Variants in PDE6A observed in about 807,000 individuals in gnomAD.
The protein encoded by PDE6A is rod cGMP-specific 3',5'-cyclic phosphodiesterase subunit alpha.
In PDE6A, 84 loss-of-function variants were observed where a neutral mutation model predicts 106.3. The ratio of observed to expected loss-of-function variants is 0.79; its 90% CI spans 0.66 to 0.95. PDE6A has a LOEUF of 0.95. PDE6A is among the 40% of genes least tolerant of loss of function. PDE6A has a pLI of 0.00. For missense variants in PDE6A, 1,052 were observed against 1,084.9 expected, an observed-to-expected ratio of 0.97 and a Z score of 0.43; for synonymous variants, 394 against 386.6, an observed-to-expected ratio of 1.02 and a Z score of -0.23.
chr5:149,899,406 G>C lies in PDE6A; in HGVS notation c.1232C>G (p.Pro411Arg). The C allele has an allele frequency of 1.2e-6, 2 of 1,614,038 alleles. No individual in the cohort carries two copies. The highest frequency in any genetic ancestry group is 1.1e-5 in the South Asian group (1 of 91,074). ...GAGCGTCTCATCCATTTCATCAAAGGGCTTCCCATCTTTACGATTGTAAAA... is the reference window on the plus strand; with the variant it reads ...GAGCGTCTCATCCATTTCATCAAAGCGCTTCCCATCTTTACGATTGTAAAA... ...ATFYNRKDGK[P>R]FDEMDETLME... The change falls in exon 9 of 22, where the codon CCC becomes CGC. Residue 411 changes from proline (P) to arginine (R), a missense_variant. Physicochemically the swap from Pro to Arg is moderately radical, Grantham distance 103 (BLOSUM62 -2). Coordinates refer to ENST00000255266, the MANE Select transcript of PDE6A (RefSeq NM_000440.3).
chr5:149,879,404 T>C (rs1025806532), intron 17 of PDE6A, among the ~76,000 whole-genome samples: 2 of 144,224 alleles, frequency 1.4e-5, no homozygotes, highest in Non-Finnish European at 3.0e-5. Context: ...CGCTCTGAAA[T>C]TTTTTTTTTT....
chr5:149,907,056 G>A lies in PDE6A; in HGVS notation c.1065+256C>T, dbSNP rs185900812. Among the ~76,000 whole-genome samples the A allele has an allele frequency of 2.6e-5, 4 of 152,338 alleles. No individual in the cohort carries two copies. In the East Asian group the frequency reaches 7.7e-4, roughly 29 times the overall value. On this transcript the variant is annotated intron_variant, in intron 7 of 21. Transcript: ENST00000255266. The stretch of plus-strand genomic sequence containing the variant: ...CAAAGTTCTGGGATTATAGGCGTGA[G>A]CCACTGTACCCGGCCAAGACTATGC...
Position 149,915,024 on chromosome 5 carries a change from A to C in PDE6A, c.934-17T>G. ...GTTAATTTCCTGGCAAAAGAGAGAA[A>C]AATTATACTTTTTTTTTTTTTTTTT... is the stretch of plus-strand genomic sequence containing the variant. On this transcript the variant is annotated splice_polypyrimidine_tract_variant and intron_variant, in intron 5 of 21. Transcript: ENST00000255266. 1 of 1,529,624 alleles carries C rather than the reference A, an allele frequency of 6.5e-7. No individual in the cohort carries two copies. Among genetic ancestry groups the C allele is most frequent in the South Asian group, 1.2e-5 (1 of 86,720 alleles). The allele number at this position is 1,529,624 out of a possible 1,614,324, so 94.8% of individuals were successfully genotyped here.
rs1760009416 is a variant in PDE6A, at chr5:149,858,400, T to C, written c.*2495A>G. 1 of 152,244 alleles carries C rather than the reference T, an allele frequency of 6.6e-6. No homozygotes were observed. The highest frequency in any genetic ancestry group is 6.5e-5 in the Admixed American group (1 of 15,288). The allele number at this position is 152,244 out of a possible 1,614,324, so 9.4% of individuals were successfully genotyped here. A position where few individuals can be genotyped will look rare whatever the true frequency, so the allele number is the denominator to read the frequency against. ...TTGTGCTGTTTTCAACATCAGTTAC[T>C]ATGGTATGAATGCTGATCAGGCCAG... On this transcript the variant is annotated 3_prime_UTR_variant, in exon 22 of 22. Coordinates refer to ENST00000255266, the MANE Select transcript of PDE6A (RefSeq NM_000440.3).
intron 7 of PDE6A, among the ~76,000 whole-genome samples, chr5:149,906,187 T>C (rs1001213238): frequency 6.6e-6 from 1 of 151,952 alleles, no homozygotes; most frequent in Non-Finnish European, 1.5e-5. Flanking sequence ...GAAAATTGAC[T>C]ATGTGAATCT....
chr5:149,888,060 C>T (rs1045903801), intron 13 of PDE6A, among the ~76,000 whole-genome samples: 44 of 152,034 alleles, frequency 2.9e-4, no homozygotes, highest in African/African-American at 1.1e-3. Flanking sequence ...TCGCTTGAGC[C>T]CAGGAGGTCA....
chr5:149,895,325 A>G (rs375873472), intron 12 of PDE6A, 35 bp from the exon 13 acceptor site: 6 of 1,387,658 alleles, frequency 4.3e-6, no homozygotes, highest in Admixed American at 1.7e-5. Flanking sequence ...GGCAGGACAC[A>G]CCTGAAATGG....
rs1489157348 is a variant in PDE6A, at chr5:149,860,635, A to G, written c.*260T>C. On this transcript the variant is annotated 3_prime_UTR_variant, in exon 22 of 22. Transcript: ENST00000255266. ...TCATAAACTTTCTTAAAACATTATG[A>G]AATTTTTTTTTTTGGCGATTTTTTT... The G allele has an allele frequency of 2.4e-6, 1 of 416,934 alleles. No homozygotes were observed. The highest frequency in any genetic ancestry group is 4.3e-6 in the Non-Finnish European group (1 of 234,882). 25.8% of individuals were successfully genotyped at this position (416,934 alleles called of 1,614,324 possible).
chr5:149,871,976 C>T (rs6886532), intron 17 of PDE6A, among the ~76,000 whole-genome samples: 8,666 of 152,224 alleles, frequency 0.057, 286 homozygotes, highest in East Asian at 0.094. Context: ...CAGGATGGAA[C>T]AGAGTAAAGG....
chr5:149,885,480 T>C (rs1210812523), intron 14 of PDE6A, among the ~76,000 whole-genome samples: 1 of 152,262 alleles, frequency 6.6e-6, no homozygotes, highest in Non-Finnish European at 1.5e-5. Flanking sequence ...CTTTATGGGC[T>C]GTCTGAAATA....
Position 149,898,625 on chromosome 5 carries a change from G to C in PDE6A, c.1264-119C>G, listed in dbSNP as rs982683096. 1.1e-5 allele frequency: 11 copies of C among 961,924 alleles called. No individual in the cohort carries two copies. The East Asian group carries it at 2.3e-4, about 20-fold the overall frequency. 59.6% of individuals were successfully genotyped at this position (961,924 alleles called of 1,614,324 possible). A position where few individuals can be genotyped will look rare whatever the true frequency, so the allele number is the denominator to read the frequency against. On this transcript the variant is annotated intron_variant, in intron 9 of 21. Transcript: ENST00000255266. ...CTCAGCTATAAAATGGGTTTGATAA[G>C]CTGTGTGCTGCCCACCTTGCGGAGT...
intron 4 of PDE6A, among the ~76,000 whole-genome samples, chr5:149,928,430 G>T (rs1298607117): frequency 1.3e-5 from 2 of 150,818 alleles, no homozygotes; most frequent in African/African-American, 4.9e-5. Context: ...TAGAGACGGG[G>T]TTTCACCATG....
At chr5:149,930,982 C>T in intron 4 of PDE6A, 46 bp downstream of exon 4, 1 of 1,598,720 alleles carries the variant, frequency 6.3e-7, no homozygotes, top group Non-Finnish European at 8.6e-7. Context: ...CAGTCAGTGT[C>T]TGTTTAATCT....
chr5:149,876,606 G>A (rs1273627528), intron 17 of PDE6A, among the ~76,000 whole-genome samples: 2 of 151,932 alleles, frequency 1.3e-5, no homozygotes, highest in South Asian at 2.1e-4. Flanking sequence ...CGGTTCAAGC[G>A]GTTCTTGTGC....
In PDE6A at chr5:149,863,745, T is replaced by C. The variant is rs1342169269; in HGVS notation, c.2359-479A>G. ...CTCAACCCATCCTCCCACCTCAGCC[T>C]CCCAAGTAGCTGGAACTACAGGCTC... On this transcript the variant is annotated intron_variant, in intron 20 of 21. Transcript: ENST00000255266. The surrounding 1 kb of genome is among the most constrained non-coding windows in gnomAD (Gnocchi z 4.7). Among the ~76,000 whole-genome samples, 1 of 152,066 alleles carries C rather than the reference T, an allele frequency of 6.6e-6. No individual in the cohort carries two copies. The highest frequency in any genetic ancestry group is 2.4e-5 in the African/African-American group (1 of 41,408).
intron 6 of PDE6A, among the ~76,000 whole-genome samples, chr5:149,913,909 T>G (rs141417023): frequency 6.6e-6 from 1 of 152,238 alleles, no homozygotes; most frequent in African/African-American, 2.4e-5. Context: ...GCTACCTAGA[T>G]GCAGGACTGA....
At chr5:149,899,259 G>C in intron 9 of PDE6A, 116 bp downstream of exon 9, 1 of 954,894 alleles carries the variant, frequency 1.0e-6, no homozygotes, top group Non-Finnish European at 1.7e-6. Flanking sequence ...TGATGAGGCA[G>C]AGTCAGGGTT....
At chr5:149,905,729 C>A (rs1049874138) in intron 7 of PDE6A, among the ~76,000 whole-genome samples, 3 of 152,240 alleles carry the variant, frequency 2.0e-5, no homozygotes, top group Admixed American at 1.3e-4. Context: ...TGATAGTATT[C>A]TTTACCCCAC....
intron 8 of PDE6A, among the ~76,000 whole-genome samples, chr5:149,900,380 T>TATATATATAC (rs1349735817): frequency 9.3e-6 from 1 of 107,530 alleles, no homozygotes; most frequent in Admixed American, 1.0e-4. Flanking sequence ...TATATGTATA[T>TATATATATAC]ATATATATAT....
Sources: gnomAD v4.1 joint callset for allele counts (sites outside exome capture counted in the v4.1 genomes callset) on GRCh38, gnomAD v4.1.1 for gene constraint, Gnocchi (gnomAD v3.1) non-coding constraint, MANE v1.5 for transcripts, NCBI Gene and HGNC (gene_info 2026-07-23, HGNC 2026-07-21) for gene names.